The following FBXL7 variants were observed in gnomAD, a reference collection of about 807,000 sequenced individuals.
FBXL7 encodes F-box/LRR-repeat protein 7.
Under a neutral mutation model 38.3 loss-of-function variants are expected in FBXL7, and 12 were observed. The ratio of observed to expected loss-of-function variants is 0.31; its 90% CI spans 0.20 to 0.51. The LOEUF is 0.51. Ranked by LOEUF, FBXL7 falls within the 20% of genes least tolerant of loss-of-function variation. The probability of loss-of-function intolerance (pLI) is 0.98; values close to 1 mark genes in which losing one functional copy is unlikely to be tolerated. For missense variants in FBXL7, 567 were observed against 676.4 expected (o/e 0.84, Z 1.79); for synonymous variants, 297 against 300.9 (o/e 0.99, Z 0.13).
intron 2 of FBXL7, among the ~76,000 whole-genome samples, chr5:15,862,741 G>A (rs1196361119): frequency 6.6e-6 from 1 of 152,218 alleles, no homozygotes; most frequent in Non-Finnish European, 1.5e-5. Context: ...GCTGGATGAT[G>A]TGGCAGTGGG....
chr5:15,789,392 A>G (rs1042919554), intron 2 of FBXL7, among the ~76,000 whole-genome samples: 1 of 152,158 alleles, frequency 6.6e-6, no homozygotes, highest in East Asian at 1.9e-4. Flanking sequence ...TAAGACTATT[A>G]CCGTGTCTAA....
At chr5:15,931,244 T>C (rs1251500842) in intron 3 of FBXL7, among the ~76,000 whole-genome samples, 1 of 152,184 alleles carries the variant, frequency 6.6e-6, no homozygotes, top group Non-Finnish European at 1.5e-5. Context: ...AAAGAACATA[T>C]TTGTGAAAGC....
intron 2 of FBXL7, among the ~76,000 whole-genome samples, chr5:15,742,992 C>G (rs185253004): frequency 6.6e-6 from 1 of 152,078 alleles, no homozygotes; most frequent in South Asian, 2.1e-4. Flanking sequence ...TGGAAGTAAT[C>G]GCCACCATGA....
chr5:15,591,184 C>T (rs1294519616), intron 1 of FBXL7, among the ~76,000 whole-genome samples: 1 of 152,068 alleles, frequency 6.6e-6, no homozygotes, highest in Non-Finnish European at 1.5e-5. Context: ...AATCCCAGCA[C>T]TTTGGGAGGC....
intron 2 of FBXL7, among the ~76,000 whole-genome samples, chr5:15,626,103 A>G (rs887700821): frequency 4.6e-5 from 7 of 152,188 alleles, no homozygotes; most frequent in African/African-American, 7.2e-5. Context: ...AAACTTAACT[A>G]TCTTTGGAAT....
At chr5:15,808,820 G>A (rs1050324927) in intron 2 of FBXL7, among the ~76,000 whole-genome samples, 2 of 152,158 alleles carry the variant, frequency 1.3e-5, no homozygotes, top group Non-Finnish European at 2.9e-5. Flanking sequence ...AGCAGGACTC[G>A]TGAGTTCATG....
At chr5:15,830,167 T>C (rs932623679) in intron 2 of FBXL7, among the ~76,000 whole-genome samples, 2 of 152,088 alleles carry the variant, frequency 1.3e-5, no homozygotes, top group African/African-American at 2.4e-5. Flanking sequence ...GTCTTGGAAA[T>C]GTATTCACAT....
chr5:15,781,069 G>A (rs1736977307), intron 2 of FBXL7, among the ~76,000 whole-genome samples: 1 of 152,270 alleles, frequency 6.6e-6, no homozygotes. Context: ...GATTCCCAAG[G>A]CCCTCTGCTA....
chr5:15,680,652 C>T (rs543192140), intron 2 of FBXL7, among the ~76,000 whole-genome samples: 1 of 152,256 alleles, frequency 6.6e-6, no homozygotes, highest in Non-Finnish European at 1.5e-5. Context: ...TAAATGGTTG[C>T]TGAAGCCCAG....
chr5:15,752,198 T>A (rs1736172545), intron 2 of FBXL7, among the ~76,000 whole-genome samples: 1 of 152,114 alleles, frequency 6.6e-6, no homozygotes. Context: ...GAGAAATAAC[T>A]AATGTAGGTG....
intron 2 of FBXL7, among the ~76,000 whole-genome samples, chr5:15,874,348 A>G (rs1235810383): frequency 2.0e-5 from 3 of 152,338 alleles, no homozygotes; most frequent in Admixed American, 6.5e-5. Flanking sequence ...TCCCTTTGAA[A>G]ACCAGCACAG....
chr5:15,829,989 A>G (rs1738409658), intron 2 of FBXL7, among the ~76,000 whole-genome samples: 1 of 152,140 alleles, frequency 6.6e-6, no homozygotes, highest in Admixed American at 6.5e-5. Flanking sequence ...AGAGAATTAC[A>G]TGTTGTGATG....
At chr5:15,567,289 A>G (rs1247718980) in intron 1 of FBXL7, among the ~76,000 whole-genome samples, 1 of 152,186 alleles carries the variant, frequency 6.6e-6, no homozygotes, top group Non-Finnish European at 1.5e-5. Flanking sequence ...ATCCTATGCT[A>G]TGATTTTACA....
chr5:15,613,128 T>C (rs1740309420), intron 1 of FBXL7, among the ~76,000 whole-genome samples: 1 of 152,222 alleles, frequency 6.6e-6, no homozygotes, highest in African/African-American at 2.4e-5. Flanking sequence ...CACAATAATG[T>C]TATTTGCCTT....
At chr5:15,520,996 A>G (rs1290004956) in intron 1 of FBXL7, among the ~76,000 whole-genome samples, 3 of 152,192 alleles carry the variant, frequency 2.0e-5, no homozygotes, top group Admixed American at 1.3e-4. Context: ...GAAGGCATGA[A>G]AGAGTTTTGC....
chr5:15,586,779 C>A (rs1327090372), intron 1 of FBXL7, among the ~76,000 whole-genome samples: 1 of 152,178 alleles, frequency 6.6e-6, no homozygotes, highest in Non-Finnish European at 1.5e-5. Flanking sequence ...TGTAAATCAT[C>A]CTGGTAAAAA....
At chr5:15,753,020 G>C (rs921153699) in intron 2 of FBXL7, among the ~76,000 whole-genome samples, 2 of 152,138 alleles carry the variant, frequency 1.3e-5, no homozygotes, top group African/African-American at 4.8e-5. Flanking sequence ...ATAAGACCTT[G>C]AACATTTTCG....
At chr5:15,842,793 C>T (rs1376439447) in intron 2 of FBXL7, among the ~76,000 whole-genome samples, 3 of 152,176 alleles carry the variant, frequency 2.0e-5, no homozygotes, top group Non-Finnish European at 4.4e-5. Context: ...TTATTTTGCT[C>T]ATTTGCCTTC....
At chr5:15,502,568 GGTAA>G (rs1189318582) in intron 1 of FBXL7, among the ~76,000 whole-genome samples, 6 of 152,164 alleles carry the variant, frequency 3.9e-5, no homozygotes, top group African/African-American at 1.4e-4. Flanking sequence ...AGCTTTACAA[GGTAA>G]CTGTGAGTTT....
Sources: gnomAD v4.1 joint callset for allele counts (sites outside exome capture counted in the v4.1 genomes callset) on GRCh38, gnomAD v4.1.1 for gene constraint, MANE v1.5 for transcripts, NCBI Gene and HGNC (gene_info 2026-07-23, HGNC 2026-07-21) for gene names.